The following EML1 variants were observed in gnomAD, a reference collection of about 807,000 sequenced individuals.
The protein encoded by EML1 is echinoderm microtubule-associated protein-like 1.
In EML1, 27 loss-of-function variants were observed where a neutral mutation model predicts 110.4. The observed-to-expected ratio is 0.24, with a 90% CI of 0.18 to 0.34. The LOEUF (loss-of-function observed/expected upper bound fraction) is 0.34. Ranked by LOEUF, EML1 falls within the 10% of genes least tolerant of loss-of-function variation. EML1 has a pLI of 1.00. For synonymous variants in EML1, 344 were observed against 385.8 expected (o/e 0.89, Z 1.27); for missense variants, 741 against 1,030.9 (o/e 0.72, Z 3.85).
At chr14:99,867,926 T>A (rs1171984785) in intron 3 of EML1, among the ~76,000 whole-genome samples, 1 of 152,202 alleles carries the variant, frequency 6.6e-6, no homozygotes, top group Non-Finnish European at 1.5e-5. Context: ...TTCAGTCTTT[T>A]ACCATTGAGT....
At chr14:99,933,202 G>A (rs972369245) in intron 17 of EML1, among the ~76,000 whole-genome samples, 6 of 152,052 alleles carry the variant, frequency 3.9e-5, no homozygotes, top group African/African-American at 9.7e-5. Context: ...TTGAGATGGC[G>A]TGTCGCTCTG....
chr14:99,831,644 G>GA (rs1175427077), intron 1 of EML1, among the ~76,000 whole-genome samples: 1 of 151,836 alleles, frequency 6.6e-6, no homozygotes, highest in Non-Finnish European at 1.5e-5. Context: ...AGTTCATTAA[G>GA]AAAAAAAATC....
intron 17 of EML1, among the ~76,000 whole-genome samples, chr14:99,928,624 G>A (rs1161306574): frequency 6.6e-6 from 1 of 152,154 alleles, no homozygotes; most frequent in African/African-American, 2.4e-5. Flanking sequence ...GGAAACTGGA[G>A]TTTTGGTTCT....
At chr14:99,790,095 A>C (rs1279246437), upstream of EML1, among the ~76,000 whole-genome samples, 1 of 152,140 alleles carries the variant, frequency 6.6e-6, no homozygotes, top group East Asian at 1.9e-4. Context: ...GCTGTTTAAT[A>C]CTCTAGGTTA....
intron 2 of EML1, among the ~76,000 whole-genome samples, chr14:99,864,759 T>C (rs1252010004): frequency 2.0e-5 from 3 of 150,408 alleles, no homozygotes; most frequent in Non-Finnish European, 3.0e-5. Context: ...TGGCTGAGAT[T>C]GTGCCACTGC....
At chr14:99,742,073 C>T (rs1319659178) in intron 1 of EML1, among the ~76,000 whole-genome samples, 1 of 151,904 alleles carries the variant, frequency 6.6e-6, no homozygotes, top group Non-Finnish European at 1.5e-5. Flanking sequence ...ATCCACAGGC[C>T]AGCACACGGC....
At chr14:99,900,850 A>G in intron 8 of EML1, 79 bp from the exon 9 acceptor site, 1 of 1,240,426 alleles carries the variant, frequency 8.1e-7, no homozygotes, top group Admixed American at 1.8e-5. Flanking sequence ...TTACTGCCCA[A>G]GTAATCTTGT....
intron 1 of EML1, among the ~76,000 whole-genome samples, chr14:99,785,648 C>A (rs559453813): frequency 3.9e-5 from 6 of 152,278 alleles, no homozygotes; most frequent in Middle Eastern, 3.4e-3. Flanking sequence ...AAAATTTTCA[C>A]AGATCTTTGA....
chr14:99,840,632 AT>A (rs2058617894), intron 1 of EML1, among the ~76,000 whole-genome samples: 1 of 152,202 alleles, frequency 6.6e-6, no homozygotes, highest in African/African-American at 2.4e-5. Flanking sequence ...AAATAAGAAC[AT>A]CTCACGATAA....
chr14:99,795,357 GTA>G (rs2057751296), intron 1 of EML1, among the ~76,000 whole-genome samples: 2 of 152,172 alleles, frequency 1.3e-5, no homozygotes, highest in Non-Finnish European at 2.9e-5. Flanking sequence ...TTTTGTAGAA[GTA>G]TTGGTTTAAA....
At chr14:99,892,132 T>C (rs2059598531) in intron 5 of EML1, 1 of 985,300 alleles carries the variant, frequency 1.0e-6, no homozygotes, top group Non-Finnish European at 1.2e-6. Context: ...ACCGTCTCTT[T>C]ATCTAGCCCT....
At chr14:99,823,262 T>C (rs1317539326) in intron 1 of EML1, among the ~76,000 whole-genome samples, 2 of 152,022 alleles carry the variant, frequency 1.3e-5, no homozygotes, top group African/African-American at 2.4e-5. Context: ...TTCTTCTGCT[T>C]GTGCTAGTTC....
At chr14:99,815,243 A>G (rs759716955) in intron 1 of EML1, among the ~76,000 whole-genome samples, 8 of 146,632 alleles carry the variant, frequency 5.5e-5, no homozygotes, top group Non-Finnish European at 7.4e-5. Flanking sequence ...CCGGGTTCAC[A>G]CTTTTCTCCT....
chr14:99,875,051 T>A, intron 3 of EML1: 5 of 1,523,032 alleles, frequency 3.3e-6, no homozygotes, highest in Non-Finnish European at 4.5e-6. Context: ...CATCTCTGTT[T>A]TAACGTAGTA....
rs575225478 is a variant in EML1, at chr14:99,784,661, C to T, written c.-27+10648C>T. Among the ~76,000 whole-genome samples, 36 of 152,320 alleles carry T rather than the reference C, an allele frequency of 2.4e-4. No individual in the cohort carries two copies. In the South Asian group the frequency reaches 4.6e-3, roughly 19 times the overall value. On this transcript the variant is annotated intron_variant, in intron 1 of 22. Transcript: ENST00000327921. The surrounding 1 kb of genome is among the most constrained non-coding windows in gnomAD (Gnocchi z 4.5). ...AAGCTGGAGAGGCCCTTGATAAGGC[C>T]GTCTTTATCACACAGTGTTGTTTCT...
At chr14:99,932,524 A>G (rs1393601139) in intron 17 of EML1, among the ~76,000 whole-genome samples, 1 of 152,032 alleles carries the variant, frequency 6.6e-6, no homozygotes, top group Non-Finnish European at 1.5e-5. Flanking sequence ...CTGTAATCCC[A>G]GCTATCTGGA....
intron 15 of EML1, among the ~76,000 whole-genome samples, chr14:99,916,804 A>G (rs2060041124): frequency 6.6e-6 from 1 of 151,962 alleles, no homozygotes; most frequent in African/African-American, 2.4e-5. Context: ...TCTCACCTTC[A>G]CCAGTGATAA....
intron 3 of EML1, among the ~76,000 whole-genome samples, chr14:99,866,747 T>C (rs11160554): frequency 0.27 from 40,310 of 151,908 alleles, 5,824 homozygotes; most frequent in Non-Finnish European, 0.32. Context: ...CTCTCTACTT[T>C]TTGTTGCTAT....
chr14:99,897,464 C>T (rs1030331456), intron 7 of EML1, among the ~76,000 whole-genome samples, 170 bp downstream of exon 7: 2 of 152,140 alleles, frequency 1.3e-5, no homozygotes, highest in Non-Finnish European at 2.9e-5. Flanking sequence ...TAGCAGAACA[C>T]GGTCAGTATT....
Sources: allele counts gnomAD v4.1 joint callset (sites outside exome capture counted in the v4.1 genomes callset), GRCh38; gene constraint gnomAD v4.1.1; non-coding constraint Gnocchi (gnomAD v3.1); transcripts MANE v1.5; gene names NCBI Gene and HGNC (gene_info 2026-07-23, HGNC 2026-07-21).